ERICH1: variants seen among roughly 807,000 people sequenced by gnomAD.
The protein encoded by ERICH1 is glutamate rich 1.
ERICH1 carries 56 observed loss-of-function variants against 39.6 expected under a neutral mutation model. That is an observed-to-expected ratio of 1.41 (90% CI 1.14 to 1.77). The LOEUF is 1.77. Among genes scored for constraint, ERICH1 ranks in the 40% most tolerant of loss-of-function variants. The pLI is 0.00. For synonymous variants in ERICH1, 313 were observed against 223.6 expected (o/e 1.40, Z -3.57); for missense variants, 826 against 575.4 (o/e 1.44, Z -4.45).
chr8:702,920 T>C (rs1812476847), intron 2 of ERICH1, among the ~76,000 whole-genome samples: 1 of 152,198 alleles, frequency 6.6e-6, no homozygotes, highest in Non-Finnish European at 1.5e-5. Flanking sequence ...CCAGGACAGG[T>C]ACCCCGCACG....
chr8:690,678 C>G (rs999050514), intron 3 of ERICH1, among the ~76,000 whole-genome samples: 1 of 152,246 alleles, frequency 6.6e-6, no homozygotes, highest in African/African-American at 2.4e-5. Flanking sequence ...TGGGGATGCC[C>G]CGGCGCAGAG....
chr8:629,707 CACAG>C (rs1160103345), intron 3 of ERICH1, among the ~76,000 whole-genome samples: 11 of 146,468 alleles, frequency 7.5e-5, no homozygotes, highest in South Asian at 6.5e-4. Flanking sequence ...TGACCACCCA[CACAG>C]ACAGAGCTGA....
At chr8:728,294 A>G (rs991925687) in intron 1 of ERICH1, among the ~76,000 whole-genome samples, 11 of 152,196 alleles carry the variant, frequency 7.2e-5, no homozygotes, top group African/African-American at 2.7e-4. Flanking sequence ...CAAGTCCTGT[A>G]TGGCTCTGCT....
Position 687,943 on chromosome 8 carries a change from C to A in ERICH1, c.304+4535G>T, listed in dbSNP as rs867381032. ...GGTTTCCCGAGCAGGGTCTGAGGCTCCAAGGACATCCCGGCGGCGAGAAGG... is the reference window on the plus strand; with the variant it reads ...GGTTTCCCGAGCAGGGTCTGAGGCTACAAGGACATCCCGGCGGCGAGAAGG... On this transcript the variant is annotated intron_variant, in intron 3 of 5. Coordinates refer to ENST00000262109, the MANE Select transcript of ERICH1 (RefSeq NM_207332.3). Among the ~76,000 whole-genome samples, 18 of 152,108 alleles carry A rather than the reference C, an allele frequency of 1.2e-4. No homozygotes were observed. The South Asian group carries it at 1.9e-3, about 16-fold the overall frequency.
chr8:683,684 A>C (rs11137016), intron 3 of ERICH1, among the ~76,000 whole-genome samples: 1 of 152,062 alleles, frequency 6.6e-6, no homozygotes, highest in African/African-American at 2.4e-5. Flanking sequence ...TCAACGTTAT[A>C]AAAAACTGAG....
intron 3 of ERICH1, among the ~76,000 whole-genome samples, chr8:650,093 G>A (rs900527482): frequency 6.6e-6 from 1 of 152,232 alleles, no homozygotes; most frequent in South Asian, 2.1e-4. Context: ...GAACAAGGCC[G>A]GAAGGTTGCG....
Position 708,694 on chromosome 8 carries a change from T to G in ERICH1, c.169+7167A>C, listed in dbSNP as rs865897614. ...ACGGGATAATGAGTTTTTTTTTTTT[T>G]TTTTTTTTTTTTTTTTTGAGACAGG... is the stretch of plus-strand genomic sequence containing the variant. On this transcript the variant is annotated intron_variant, in intron 2 of 5. Transcript: ENST00000262109. 4.7e-4 allele frequency among the ~76,000 whole-genome samples: 60 copies of G among 128,370 alleles called. 3 individuals carry two copies. Among genetic ancestry groups the G allele is most frequent in the East Asian group, 3.3e-3 (15 of 4,606 alleles). 84.2% of individuals were successfully genotyped at this position (128,370 alleles called of 152,430 possible).
intron 3 of ERICH1, among the ~76,000 whole-genome samples, chr8:629,197 A>T (rs542207423): frequency 3.9e-4 from 60 of 152,170 alleles, no homozygotes; most frequent in Non-Finnish European, 6.9e-4. Context: ...CTTCCTAGCC[A>T]CACTCAGGGC....
At chr8:616,063 AC>A (rs1415929790) in intron 3 of ERICH1, 1 of 159,196 alleles carries the variant, frequency 6.3e-6, no homozygotes, top group Non-Finnish European at 1.4e-5. Flanking sequence ...GTCACAGTAC[AC>A]GCCATGCCCA....
intron 3 of ERICH1, among the ~76,000 whole-genome samples, chr8:639,837 C>CG (rs369316568): frequency 0.21 from 22,091 of 106,774 alleles, 3,321 homozygotes; most frequent in Middle Eastern, 0.29. Context: ...TGAGCAGACA[C>CG]ACCAAGCACC....
At chr8:634,683 G>A (rs573802385) in intron 3 of ERICH1, among the ~76,000 whole-genome samples, 1 of 152,134 alleles carries the variant, frequency 6.6e-6, no homozygotes, top group Non-Finnish European at 1.5e-5. Flanking sequence ...GGGGGCTGCC[G>A]TGGGCACCCA....
intron 2 of ERICH1, among the ~76,000 whole-genome samples, chr8:704,575 C>T (rs373602692): frequency 1.2e-4 from 18 of 152,092 alleles, no homozygotes; most frequent in African/African-American, 2.4e-4. Flanking sequence ...CAGCAAGAAA[C>T]GGTGTTTACG....
At position 664,458 on chromosome 8, in the gene ERICH1, C is replaced by A; in HGVS notation, c.*145G>T. The A allele has an allele frequency of 7.8e-7, 1 of 1,273,914 alleles. No individual in the cohort carries two copies. The highest frequency in any genetic ancestry group is 9.9e-7 in the Non-Finnish European group (1 of 1,007,944). 78.9% of individuals were successfully genotyped at this position (1,273,914 alleles called of 1,614,324 possible). ...TCTCATCTGAAGCCTCAGATGGCAT[C>A]TTGCCCACCAGGAACAAACACGTGA... On this transcript the variant is annotated 3_prime_UTR_variant, in exon 6 of 6. Coordinates refer to ENST00000262109, the MANE Select transcript of ERICH1 (RefSeq NM_207332.3).
intron 3 of ERICH1, chr8:656,654 AT>A: frequency 1.3e-6 from 1 of 784,048 alleles, no homozygotes; most frequent in Non-Finnish European, 1.5e-6. Context: ...CAAGTGTGGA[AT>A]TTTGGGGCTT....
chr8:630,317 G>C (rs1266700953), intron 3 of ERICH1, among the ~76,000 whole-genome samples: 1 of 112,934 alleles, frequency 8.9e-6, no homozygotes. Flanking sequence ...CACACAGACA[G>C]AGCTGACTCA....
At chr8:656,959 T>G in intron 3 of ERICH1, 1 of 637,314 alleles carries the variant, frequency 1.6e-6, no homozygotes, top group South Asian at 6.9e-5. Context: ...TAGTGCAAAA[T>G]AATTTTTAAG....
At chr8:623,615 T>A (rs61242368) in intron 3 of ERICH1, among the ~76,000 whole-genome samples, 46,916 of 152,082 alleles carry the variant, frequency 0.31, 8,751 homozygotes, top group African/African-American at 0.53. Context: ...AATCAGCACA[T>A]CTATCACCTC....
intron 3 of ERICH1, among the ~76,000 whole-genome samples, chr8:681,225 A>G (rs1350284491): frequency 6.6e-6 from 1 of 152,178 alleles, no homozygotes; most frequent in Non-Finnish European, 1.5e-5. Context: ...AGCGCTGCCC[A>G]GCCTGAGGAG....
At chr8:713,486 G>A (rs1815234160) in intron 2 of ERICH1, among the ~76,000 whole-genome samples, 1 of 152,160 alleles carries the variant, frequency 6.6e-6, no homozygotes. Flanking sequence ...GGAAAAGCAT[G>A]CTTAGTGTAA....
Sources: gnomAD v4.1 joint callset for allele counts (sites outside exome capture counted in the v4.1 genomes callset) on GRCh38, gnomAD v4.1.1 for gene constraint, MANE v1.5 for transcripts, NCBI Gene and HGNC (gene_info 2026-07-23, HGNC 2026-07-21) for gene names.